Variants in GPHN observed in about 807,000 individuals in gnomAD.
The protein encoded by GPHN is gephyrin.
A neutral mutation model predicts 95.5 loss-of-function variants in GPHN; 17 were observed. That is an observed-to-expected ratio of 0.18 (90% CI 0.12 to 0.27). The LOEUF is 0.27. Ranked by LOEUF, GPHN falls within the 10% of genes least tolerant of loss-of-function variation. The pLI, the probability that GPHN is intolerant of heterozygous loss-of-function variation, is 1.00. For synonymous variants in GPHN, 320 were observed against 322.5 expected, an observed-to-expected ratio of 0.99 and a Z score of 0.08; for missense variants, 660 against 978.1, an observed-to-expected ratio of 0.67 and a Z score of 4.34.
At position 67,089,080 on chromosome 14, in the gene GPHN, A is replaced by T; in HGVS notation, c.1237+5A>T. The T allele has an allele frequency of 3.4e-6, 5 of 1,451,148 alleles. No individual in the cohort carries two copies. Among genetic ancestry groups the T allele is most frequent in the Non-Finnish European group, 4.8e-6 (5 of 1,034,048 alleles). 89.9% of individuals were successfully genotyped at this position (1,451,148 alleles called of 1,614,324 possible). ...AAGATGGCTATGCTGTCCGAGGTAAATATTTTGGTTTTCTTAAACATAATC... is the reference window on the plus strand; with the variant it reads ...AAGATGGCTATGCTGTCCGAGGTAATTATTTTGGTTTTCTTAAACATAATC... On this transcript the variant is annotated splice_donor_5th_base_variant and intron_variant, in intron 12 of 22. Coordinates refer to ENST00000478722, the MANE Select transcript of GPHN (RefSeq NM_020806.5).
chr14:66,921,949 A>G (rs529556943), intron 6 of GPHN, among the ~76,000 whole-genome samples: 12 of 152,306 alleles, frequency 7.9e-5, no homozygotes, highest in African/African-American at 2.9e-4. Context: ...AAACAAAAAC[A>G]TAAAGTAGGA....
the GPHN span, among the ~76,000 whole-genome samples, chr14:67,659,244 T>C: frequency 2.6e-5 from 4 of 152,226 alleles, no homozygotes; most frequent in Non-Finnish European, 4.4e-5. Flanking sequence ...GTATCTCAGT[T>C]GCTGGGCCAT....
chr14:67,709,604 A>G, the GPHN span, among the ~76,000 whole-genome samples: 1 of 152,214 alleles, frequency 6.6e-6, no homozygotes, highest in Non-Finnish European at 1.5e-5. Flanking sequence ...TCACATGCCC[A>G]TCTCTTCTGT....
the GPHN span, among the ~76,000 whole-genome samples, chr14:67,210,887 C>G: frequency 1.1e-3 from 160 of 152,046 alleles, no homozygotes; most frequent in African/African-American, 3.6e-3. Flanking sequence ...GTCTGTAGTC[C>G]CAGCTACTCA....
intron 1 of GPHN, among the ~76,000 whole-genome samples, chr14:66,629,420 C>T (rs2063697592): frequency 6.6e-6 from 1 of 151,652 alleles, no homozygotes. Context: ...CACTAAATAA[C>T]ACCTGTGGAG....
chr14:67,475,670 C>T, the GPHN span, among the ~76,000 whole-genome samples: 5 of 152,198 alleles, frequency 3.3e-5, no homozygotes, highest in African/African-American at 4.8e-5. Context: ...GGTTTCAGTG[C>T]TGAGGGGAAA....
At chr14:67,569,928 C>G in the GPHN span, 1 of 1,605,006 alleles carries the variant, frequency 6.2e-7, no homozygotes, top group Non-Finnish European at 8.5e-7. Context: ...CAGCTTCAAG[C>G]CCTCCTGCCC....
chr14:67,630,118 C>T, the GPHN span, among the ~76,000 whole-genome samples: 1 of 152,128 alleles, frequency 6.6e-6, no homozygotes, highest in Non-Finnish European at 1.5e-5. Flanking sequence ...TCCCTGTCAT[C>T]CCCCACATCA....
chr14:66,989,117 G>A (rs1294741360), intron 9 of GPHN, among the ~76,000 whole-genome samples: 1 of 151,822 alleles, frequency 6.6e-6, no homozygotes, highest in Admixed American at 6.6e-5. Flanking sequence ...TAAACAGAAG[G>A]AATTAATACA....
At chr14:67,337,933 T>C in the GPHN span, 1 of 152,218 alleles carries the variant, frequency 6.6e-6, no homozygotes, top group Admixed American at 6.5e-5. Flanking sequence ...AAAGTAAGCC[T>C]TTTTGTAAAA....
chr14:67,444,997 G>C, the GPHN span, among the ~76,000 whole-genome samples: 5 of 152,242 alleles, frequency 3.3e-5, no homozygotes, highest in South Asian at 1.0e-3. Flanking sequence ...CTGACCTCAA[G>C]TGATCTGCCC....
the GPHN span, among the ~76,000 whole-genome samples, chr14:67,694,030 A>G: frequency 1.3e-5 from 2 of 152,182 alleles, no homozygotes; most frequent in African/African-American, 2.4e-5. Flanking sequence ...GGTGGTTCTC[A>G]GACTGGCCTA....
the GPHN span, chr14:67,320,266 T>C: frequency 1.2e-6 from 2 of 1,613,522 alleles, no homozygotes; most frequent in Non-Finnish European, 1.7e-6. Context: ...TATGAGGAAA[T>C]GTCACTTTAT....
At chr14:67,550,316 G>A in the GPHN span, among the ~76,000 whole-genome samples, 1 of 152,124 alleles carries the variant, frequency 6.6e-6, no homozygotes, top group Non-Finnish European at 1.5e-5. Flanking sequence ...AGCCTCCTAA[G>A]TAGGTGGGAC....
At chr14:67,524,709 C>T in the GPHN span, among the ~76,000 whole-genome samples, 2 of 152,188 alleles carry the variant, frequency 1.3e-5, no homozygotes, top group African/African-American at 4.8e-5. Flanking sequence ...CCTTGGACAA[C>T]CGCCAAACCA....
At chr14:67,615,708 G>T in the GPHN span, 43 of 498,062 alleles carry the variant, frequency 8.6e-5, no homozygotes, top group East Asian at 1.7e-3. Flanking sequence ...AAAGAGAAAT[G>T]AAAACATATA....
the GPHN span, among the ~76,000 whole-genome samples, chr14:67,359,502 C>A: frequency 6.6e-6 from 1 of 152,100 alleles, no homozygotes; most frequent in African/African-American, 2.4e-5. Context: ...GCGAAGAGGC[C>A]GTCAGGAAGC....
chr14:67,519,022 C>G, the GPHN span, among the ~76,000 whole-genome samples: 26 of 152,162 alleles, frequency 1.7e-4, no homozygotes, highest in African/African-American at 6.3e-4. Context: ...TTTGGATCAG[C>G]TTTACAGGAA....
At chr14:67,383,437 T>C in the GPHN span, 1 of 1,613,014 alleles carries the variant, frequency 6.2e-7, no homozygotes, top group Admixed American at 1.7e-5. Flanking sequence ...AAGCTGAAGA[T>C]TAACTTTGTG....
Sources: allele counts gnomAD v4.1 joint callset (sites outside exome capture counted in the v4.1 genomes callset), GRCh38; gene constraint gnomAD v4.1.1; transcripts MANE v1.5; gene names NCBI Gene and HGNC (gene_info 2026-07-23, HGNC 2026-07-21).